The following QDPR variants were observed in gnomAD, a reference collection of about 807,000 sequenced individuals.
QDPR encodes the protein dihydropteridine reductase.
QDPR carries 23 observed loss-of-function variants against 31.7 expected under a neutral mutation model. The ratio of observed to expected loss-of-function variants is 0.73; its 90% CI spans 0.52 to 1.03. The LOEUF (loss-of-function observed/expected upper bound fraction) is 1.03. QDPR is among the 50% of genes least tolerant of loss of function. QDPR has a pLI of 0.00. For missense variants in QDPR, 324 were observed against 323.8 expected (o/e 1.00, Z 0.00); for synonymous variants, 124 against 124.7 (o/e 0.99, Z 0.03).
intron 4 of QDPR, among the ~76,000 whole-genome samples, chr4:17,494,783 TGCA>T (rs1718293258): frequency 6.6e-6 from 1 of 152,174 alleles, no homozygotes; most frequent in Non-Finnish European, 1.5e-5. Flanking sequence ...ATTCAAAAAG[TGCA>T]GCCCTAACTC....
chr4:17,492,638 A>C, intron 4 of QDPR: 1 of 453,280 alleles, frequency 2.2e-6, no homozygotes, highest in Non-Finnish European at 4.0e-6. Flanking sequence ...GGTCCAGAAG[A>C]GGCCAGGAAG....
rs777797545 is a variant in QDPR at position 17,487,231 on chromosome 4, A to G, written c.635T>C (p.Phe212Ser). 3 of 1,613,814 alleles carry G rather than the reference A, an allele frequency of 1.9e-6. No homozygotes were observed. The South Asian group carries it at 3.3e-5, about 18-fold the overall frequency. ...GTTTTTCCCTGTGATCCAGTCATGG[A>G]AAGTTCTGGAACAGAAAATAAAAGT... ...WTPLEFLVET[F>S]HDWITGKNRP... Residue 212 changes from phenylalanine to serine, a missense_variant, in exon 7 of 7, where the codon TTC (phenylalanine) becomes TCC (serine). Phe to Ser is a radical substitution (Grantham distance 155). Transcript: ENST00000281243.
intron 1 of QDPR, 107 bp downstream of exon 1, chr4:17,511,843 G>A: frequency 2.7e-6 from 3 of 1,108,436 alleles, no homozygotes; most frequent in South Asian, 2.7e-5. Flanking sequence ...CGAGTCAGGG[G>A]GTGCACAGGG....
In QDPR at chr4:17,490,715, T is replaced by C. The variant is rs199686347; in HGVS notation, c.576A>G (p.Lys192=). 1 of 1,614,068 alleles carries C rather than the reference T, an allele frequency of 6.2e-7. No homozygotes were observed. The highest frequency in any genetic ancestry group is 1.3e-5 in the African/African-American group (1 of 75,046). ...AGCTGAAGTCAGCCTCAGGCATTGATTTCCTGTTCATCGGGGTATCCAGGG... is the reference window on the plus strand; with the variant it reads ...AGCTGAAGTCAGCCTCAGGCATTGACTTCCTGTTCATCGGGGTATCCAGGG... ...PVTLDTPMNR[K]SMPEADFSSW... is the part of the protein sequence containing the mutation. The change falls in exon 6 of 7, where the codon AAA becomes AAG. Residue 192 remains lysine (K), a synonymous_variant. Transcript: ENST00000281243.
At chr4:17,497,131 C>T (rs908170478) in intron 4 of QDPR, among the ~76,000 whole-genome samples, 5 of 152,122 alleles carry the variant, frequency 3.3e-5, no homozygotes, top group African/African-American at 9.7e-5. Context: ...CAAAGGACAC[C>T]TGAGAAGCCA....
intron 4 of QDPR, chr4:17,492,655 T>C (rs575660186): frequency 5.0e-6 from 2 of 399,856 alleles, no homozygotes; most frequent in Non-Finnish European, 4.6e-6. Flanking sequence ...GAAGAAAAGA[T>C]AAATGAACAT....
intron 6 of QDPR, among the ~76,000 whole-genome samples, chr4:17,487,551 A>G (rs1343079301): frequency 6.6e-6 from 1 of 152,082 alleles, no homozygotes; most frequent in African/African-American, 2.4e-5. Flanking sequence ...GAGGCTGAGG[A>G]AGTAGAATCA....
At chr4:17,490,791 A>C in intron 5 of QDPR, 46 bp from the exon 6 acceptor site, 1 of 1,505,080 alleles carries the variant, frequency 6.6e-7, no homozygotes, top group Non-Finnish European at 9.2e-7. Context: ...GCTCCTTTCT[A>C]ACAACAGGTG....
At chr4:17,487,364 T>C (rs1487736844) in intron 6 of QDPR, 128 bp from the exon 7 acceptor site, 3 of 748,770 alleles carry the variant, frequency 4.0e-6, no homozygotes, top group Admixed American at 2.0e-5. Flanking sequence ...TAAAAGCCAC[T>C]AAGGGCTGGG....
chr4:17,494,432 T>C (rs1718279787), intron 4 of QDPR, among the ~76,000 whole-genome samples: 1 of 152,148 alleles, frequency 6.6e-6, no homozygotes, highest in South Asian at 2.1e-4. Context: ...CACCAGAACA[T>C]GTGACTATGT....
intron 4 of QDPR, 198 bp from the exon 5 acceptor site, chr4:17,492,538 C>T (rs867902292): frequency 4.9e-6 from 3 of 610,908 alleles, no homozygotes; most frequent in Non-Finnish European, 8.8e-6. Context: ...GATGGGAACA[C>T]GTGGGTTGGG....
intron 2 of QDPR, among the ~76,000 whole-genome samples, chr4:17,507,136 A>G (rs1381775607): frequency 6.6e-6 from 1 of 152,244 alleles, no homozygotes; most frequent in East Asian, 1.9e-4. Context: ...ATTACCAAGG[A>G]AAGTGCAACT....
At chr4:17,488,448 G>T (rs1249018527) in intron 6 of QDPR, among the ~76,000 whole-genome samples, 1 of 151,856 alleles carries the variant, frequency 6.6e-6, no homozygotes, top group Non-Finnish European at 1.5e-5. Flanking sequence ...TGGAAAAAGA[G>T]ATAGAAAAAA....
intron 4 of QDPR, among the ~76,000 whole-genome samples, chr4:17,495,573 C>A (rs1308506137): frequency 6.6e-6 from 1 of 152,160 alleles, no homozygotes; most frequent in Non-Finnish European, 1.5e-5. Context: ...AATAGGCTTT[C>A]CTGAAAACGA....
At chr4:17,511,875 GCC>G (rs3217604) in intron 1 of QDPR, 73 bp downstream of exon 1, 4 of 1,492,668 alleles carry the variant, frequency 2.7e-6, no homozygotes, top group Non-Finnish European at 2.7e-6. Flanking sequence ...CCTCTAGACT[GCC>G]CCCCGCCGGG....
At chr4:17,507,796 G>A (rs1718842468) in intron 2 of QDPR, among the ~76,000 whole-genome samples, 1 of 152,014 alleles carries the variant, frequency 6.6e-6, no homozygotes. Flanking sequence ...TAGAGACGGG[G>A]TTTCACCATG....
rs1309458577 is a variant in QDPR, at chr4:17,504,472, T to C, written c.202A>G (p.Thr68Ala). Residue 68 changes from threonine to alanine, a missense_variant, in exon 3 of 7, where the codon ACT (threonine) becomes GCT (alanine). Physicochemically the swap from Thr to Ala is moderately conservative, Grantham distance 58. Transcript: ENST00000281243. ...DSFTEQADQV[T>A]AEVGKLLGEE... is the part of the protein sequence containing the mutation. ...CCCAAGAGCTTTCCAACCTCAGCAG[T>C]CACCTTCAACACAAGAACAAAAAAA... 3 of 1,613,768 alleles carry C rather than the reference T, an allele frequency of 1.9e-6. No homozygotes were observed. The highest frequency in any genetic ancestry group is 1.7e-6 in the Non-Finnish European group (2 of 1,179,748).
At chr4:17,504,999 T>A (rs1372484346) in intron 2 of QDPR, among the ~76,000 whole-genome samples, 2 of 152,152 alleles carry the variant, frequency 1.3e-5, no homozygotes, top group East Asian at 1.9e-4. Context: ...AAAAATACAG[T>A]CAATAGCAAT....
intron 6 of QDPR, among the ~76,000 whole-genome samples, chr4:17,488,974 T>C (rs1171870741): frequency 1.3e-5 from 2 of 152,234 alleles, no homozygotes; most frequent in African/African-American, 2.4e-5. Context: ...GTTTTGTGTG[T>C]TGGTTACACA....
Sources: allele counts gnomAD v4.1 joint callset (sites outside exome capture counted in the v4.1 genomes callset), GRCh38; gene constraint gnomAD v4.1.1; transcripts MANE v1.5; gene names NCBI Gene and HGNC (gene_info 2026-07-23, HGNC 2026-07-21).